Variants in CEP63 observed in about 807,000 individuals in gnomAD.
CEP63 encodes centrosomal protein 63, also known as centrosomal protein of 63 kDa.
CEP63 carries 84 observed loss-of-function variants against 89.1 expected under a neutral mutation model. The observed-to-expected ratio is 0.94, with a 90% CI of 0.79 to 1.13. The LOEUF (loss-of-function observed/expected upper bound fraction) is 1.13, where lower values mean the gene tolerates loss of function less well. Ranked by LOEUF, CEP63 falls within the 50% of genes most tolerant of loss-of-function variation. The pLI is 0.00. For synonymous variants in CEP63, 267 were observed against 272.5 expected (o/e 0.98, Z 0.20); for missense variants, 838 against 813.3 (o/e 1.03, Z -0.37).
chr3:134,696,298 A>G, the CEP63 span, among the ~76,000 whole-genome samples: 4 of 152,118 alleles, frequency 2.6e-5, no homozygotes, highest in African/African-American at 9.7e-5. Context: ...TCTGCCTGGG[A>G]CAAGCTCTGT....
chr3:134,514,599 TGTC>T (rs1192653037), intron 3 of CEP63, among the ~76,000 whole-genome samples: 1 of 152,128 alleles, frequency 6.6e-6, no homozygotes, highest in Non-Finnish European at 1.5e-5. Context: ...ACAGTTGACT[TGTC>T]AGCCAAAAAA....
Position 134,537,147 on chromosome 3 carries a change from C to T in CEP63, c.442-8C>T. The T allele has an allele frequency of 6.3e-7, 1 of 1,583,370 alleles. No individual in the cohort carries two copies. The highest frequency in any genetic ancestry group is 8.7e-7 in the Non-Finnish European group (1 of 1,152,036). On this transcript the variant is annotated splice_polypyrimidine_tract_variant and splice_region_variant and intron_variant, in intron 5 of 14. Transcript: ENST00000675561. ...CTCAGAAATTAAGTACTCTAATTGCCTCCTCAGGAATTCCGTCAGAAATCG... is the reference window on the plus strand; with the variant it reads ...CTCAGAAATTAAGTACTCTAATTGCTTCCTCAGGAATTCCGTCAGAAATCG...
the CEP63 span, among the ~76,000 whole-genome samples, chr3:134,599,166 G>A: frequency 4.6e-5 from 7 of 152,344 alleles, no homozygotes; most frequent in African/African-American, 1.7e-4. Flanking sequence ...GACTGGAAGG[G>A]ACATTGGAGG....
chr3:134,653,777 G>T, the CEP63 span, among the ~76,000 whole-genome samples: 3 of 152,126 alleles, frequency 2.0e-5, no homozygotes, highest in Non-Finnish European at 2.9e-5. Context: ...ACAAATAACA[G>T]AACGCTCAGC....
the CEP63 span, among the ~76,000 whole-genome samples, chr3:134,735,584 C>G: frequency 3.3e-5 from 5 of 152,118 alleles, no homozygotes; most frequent in African/African-American, 7.2e-5. Context: ...TCACCTTGTT[C>G]AACTTCAGCT....
the CEP63 span, among the ~76,000 whole-genome samples, chr3:134,777,154 G>C: frequency 1.3e-5 from 2 of 152,160 alleles, no homozygotes; most frequent in African/African-American, 2.4e-5. Flanking sequence ...AAAGGCACAT[G>C]TTTTGTATTG....
the CEP63 span, among the ~76,000 whole-genome samples, chr3:134,695,392 A>C: frequency 6.6e-6 from 1 of 152,256 alleles, no homozygotes; most frequent in Non-Finnish European, 1.5e-5. Context: ...AAGAGGTGGC[A>C]ACACTCATCA....
chr3:134,598,147 A>G, the CEP63 span, among the ~76,000 whole-genome samples: 338 of 152,322 alleles, frequency 2.2e-3, 1 homozygote, highest in African/African-American at 7.9e-3. Flanking sequence ...GATGAAACAC[A>G]ATACATTTCT....
At chr3:134,608,572 C>A in the CEP63 span, 1 of 1,612,154 alleles carries the variant, frequency 6.2e-7, no homozygotes, top group African/African-American at 1.3e-5. Flanking sequence ...AAAGCGCAGT[C>A]TCAGGCGGGC....
chr3:134,545,025 C>T (rs893829108), intron 6 of CEP63, among the ~76,000 whole-genome samples: 1 of 152,054 alleles, frequency 6.6e-6, no homozygotes, highest in Non-Finnish European at 1.5e-5. Flanking sequence ...GACAGAGTCT[C>T]ATTCTGTCAC....
chr3:134,564,895 T>C lies in CEP63; in HGVS notation c.*3360T>C. ...AGGTACTATGTATTTCCTTAAATTA[T>C]ACTGTTTTTTAAAGCTGAAGTATCT... On this transcript the variant is annotated 3_prime_UTR_variant, in exon 15 of 15. Transcript: ENST00000675561. The C allele has an allele frequency of 1.0e-6, 1 of 984,828 alleles. No individual in the cohort carries two copies. The highest frequency in any genetic ancestry group is 1.2e-6 in the Non-Finnish European group (1 of 829,350). 61.0% of individuals were successfully genotyped at this position (984,828 alleles called of 1,614,324 possible). A position where few individuals can be genotyped will look rare whatever the true frequency, so the allele number is the denominator to read the frequency against.
chr3:134,600,154 T>G, the CEP63 span, among the ~76,000 whole-genome samples: 1 of 152,222 alleles, frequency 6.6e-6, no homozygotes, highest in African/African-American at 2.4e-5. Flanking sequence ...TAGCAAATGA[T>G]GTAGTGATGC....
At chr3:134,528,561 T>TGTGTGC (rs1485147784) in intron 3 of CEP63, among the ~76,000 whole-genome samples, 61 of 107,256 alleles carry the variant, frequency 5.7e-4, no homozygotes, top group South Asian at 3.8e-3. Flanking sequence ...GGGGTGTGTG[T>TGTGTGC]GTGTGTGCGT....
At position 134,537,281 on chromosome 3, in the gene CEP63, C is replaced by G. The variant is rs1463332805; in HGVS notation, c.555+13C>G. 1.1e-5 allele frequency: 16 copies of G among 1,519,442 alleles called. No homozygotes were observed. The highest frequency in any genetic ancestry group is 1.4e-5 in the Non-Finnish European group (15 of 1,093,630). 94.1% of individuals were successfully genotyped at this position (1,519,442 alleles called of 1,614,324 possible). ...AGAGATAATTCAGGTAGGCCTAAGA[C>G]TTTTTAAAATAATGAGAAGCAGATA... On this transcript the variant is annotated intron_variant, in intron 6 of 14. Transcript: ENST00000675561.
chr3:134,622,545 G>A, the CEP63 span, among the ~76,000 whole-genome samples: 1 of 152,176 alleles, frequency 6.6e-6, no homozygotes, highest in Non-Finnish European at 1.5e-5. Context: ...GAGATTACCA[G>A]GGGCTGGGGG....
chr3:134,743,052 A>G, the CEP63 span, among the ~76,000 whole-genome samples: 1 of 152,220 alleles, frequency 6.6e-6, no homozygotes. Context: ...TCATACCTCC[A>G]GGGCATAACA....
At chr3:134,582,033 C>G (rs557445477) in intron 10 of CEP63, among the ~76,000 whole-genome samples, 61 of 151,482 alleles carry the variant, frequency 4.0e-4, no homozygotes, top group African/African-American at 1.5e-3. Flanking sequence ...AAAGCATGAT[C>G]AAATAAAAAA....
the CEP63 span, among the ~76,000 whole-genome samples, chr3:134,729,862 G>A: frequency 1.3e-5 from 2 of 152,190 alleles, no homozygotes; most frequent in Admixed American, 6.5e-5. Context: ...GGGACCAGGT[G>A]GGAGTTCTAG....
the CEP63 span, among the ~76,000 whole-genome samples, chr3:134,673,067 G>A: frequency 3.9e-5 from 6 of 152,256 alleles, no homozygotes; most frequent in Admixed American, 3.3e-4. Flanking sequence ...AAAACTCCAG[G>A]ATTCAACTGC....
Sources: allele counts gnomAD v4.1 joint callset (sites outside exome capture counted in the v4.1 genomes callset), GRCh38; gene constraint gnomAD v4.1.1; transcripts MANE v1.5; gene names NCBI Gene and HGNC (gene_info 2026-07-23, HGNC 2026-07-21).